The following TMEM40 variants were observed in gnomAD, a reference collection of about 807,000 sequenced individuals.
TMEM40 encodes transmembrane protein 40.
A neutral mutation model predicts 40.8 loss-of-function variants in TMEM40; 34 were observed. The ratio of observed to expected loss-of-function variants is 0.83; its 90% CI spans 0.63 to 1.11. The LOEUF is 1.11. Among genes scored for constraint, TMEM40 ranks in the 50% least tolerant of loss-of-function variants. The pLI, the probability that TMEM40 is intolerant of heterozygous loss-of-function variation, is 0.00. For missense variants in TMEM40, 296 were observed against 280.2 expected, an observed-to-expected ratio of 1.06 and a Z score of -0.40; for synonymous variants, 106 against 107.0, an observed-to-expected ratio of 0.99 and a Z score of 0.06.
chr3:12,768,960 C>T (rs2061608892), intron 1 of TMEM40, among the ~76,000 whole-genome samples: 1 of 131,408 alleles, frequency 7.6e-6, no homozygotes, highest in Non-Finnish European at 1.6e-5. Context: ...GGCGGGGGGG[C>T]GCGGCCTGGC....
intron 1 of TMEM40, among the ~76,000 whole-genome samples, chr3:12,751,181 G>A (rs942318758): frequency 6.6e-6 from 1 of 150,706 alleles, no homozygotes. Context: ...GTGAATGCGT[G>A]TTTCCTTCTC....
chr3:12,756,751 TTCTC>T (rs1224049110), intron 1 of TMEM40, among the ~76,000 whole-genome samples: 7 of 151,430 alleles, frequency 4.6e-5, no homozygotes, highest in Non-Finnish European at 1.0e-4. Flanking sequence ...TTTCCCATCT[TTCTC>T]TCTCTCTGTT....
intron 6 of TMEM40, 73 bp downstream of exon 6, chr3:12,738,480 T>A: frequency 6.5e-7 from 1 of 1,534,284 alleles, no homozygotes; most frequent in Non-Finnish European, 9.0e-7. Flanking sequence ...CTGGCTCTCT[T>A]GGGGGAGAGG....
At chr3:12,767,184 G>A (rs965730052) in intron 1 of TMEM40, among the ~76,000 whole-genome samples, 1 of 152,190 alleles carries the variant, frequency 6.6e-6, no homozygotes, top group African/African-American at 2.4e-5. Context: ...TGATTTAGTG[G>A]TAAAAGTTGG....
At chr3:12,737,678 AAGC>A in intron 8 of TMEM40, 26 bp downstream of exon 8, 1 of 1,612,780 alleles carries the variant, frequency 6.2e-7, no homozygotes, top group Non-Finnish European at 8.5e-7. Context: ...AGACAGGAAA[AAGC>A]AGCTCTGCTA....
chr3:12,750,209 A>G (rs1464414474), intron 1 of TMEM40, among the ~76,000 whole-genome samples: 1 of 151,536 alleles, frequency 6.6e-6, no homozygotes, highest in African/African-American at 2.4e-5. Context: ...TCCTGGGCTC[A>G]AGCAATTCTC....
chr3:12,742,867 C>T (rs1458822720), intron 4 of TMEM40, among the ~76,000 whole-genome samples: 3 of 152,142 alleles, frequency 2.0e-5, no homozygotes, highest in Non-Finnish European at 4.4e-5. Flanking sequence ...GGTATTAGTA[C>T]CTACCCCACC....
At chr3:12,735,852 T>C (rs1230590535) in intron 10 of TMEM40, among the ~76,000 whole-genome samples, 5 of 152,198 alleles carry the variant, frequency 3.3e-5, no homozygotes, top group Admixed American at 6.5e-5. Context: ...CTCCATTAAC[T>C]AACTTGTTTT....
chr3:12,749,913 T>C (rs1175952741), intron 1 of TMEM40, 73 bp from the exon 2 acceptor site: 7 of 1,360,068 alleles, frequency 5.1e-6, no homozygotes, highest in Middle Eastern at 2.4e-4. Context: ...GCTTGGCAAA[T>C]AAATAAGAAA....
At chr3:12,738,677 G>T in intron 5 of TMEM40, 89 bp from the exon 6 acceptor site, 4 of 1,412,226 alleles carry the variant, frequency 2.8e-6, no homozygotes, top group Non-Finnish European at 4.0e-6. Flanking sequence ...CCTGCTCGGA[G>T]ACTTCCCACT....
At chr3:12,736,959 G>C (rs948480833) in intron 8 of TMEM40, 124 bp from the exon 9 acceptor site, 1 of 1,211,724 alleles carries the variant, frequency 8.3e-7, no homozygotes, top group Non-Finnish European at 1.2e-6. Flanking sequence ...GCTCATTGCA[G>C]CCTTGAAGTC....
At chr3:12,753,178 T>TCTTTTTTGC (rs2061491479) in intron 1 of TMEM40, among the ~76,000 whole-genome samples, 1 of 151,782 alleles carries the variant, frequency 6.6e-6, no homozygotes, top group Non-Finnish European at 1.5e-5. Context: ...CACACATTTT[T>TCTTTTTTGC]CTTTTTTGCC....
intron 1 of TMEM40, among the ~76,000 whole-genome samples, chr3:12,751,279 G>A (rs889302523): frequency 6.7e-5 from 9 of 134,360 alleles, no homozygotes; most frequent in African/African-American, 1.8e-4. Flanking sequence ...TCCATTACCC[G>A]TTTTTTTTTT....
rs180944220 is a variant in TMEM40, at chr3:12,748,403, C to T, written c.211+252G>A. On this transcript the variant is annotated intron_variant, in intron 3 of 11. Transcript: ENST00000314124. ...CAGTAAACATTAAAAATAGCTACAG[C>T]GATATTACAGAACAACATGGCTAAA... Among the ~76,000 whole-genome samples the T allele has an allele frequency of 2.1e-3, 319 of 152,152 alleles. 1 individual carries two copies. The highest frequency in any genetic ancestry group is 7.0e-3 in the African/African-American group (292 of 41,510).
At chr3:12,739,665 C>T (rs1351806312) in intron 5 of TMEM40, among the ~76,000 whole-genome samples, 1 of 151,888 alleles carries the variant, frequency 6.6e-6, no homozygotes, top group Non-Finnish European at 1.5e-5. Context: ...AAGCAATCCT[C>T]CCACCTTGGC....
In TMEM40 at chr3:12,756,713, GCCT is replaced by G. The variant is rs1362185343; in HGVS notation, c.-9+2475_-9+2477del. 3.3e-5 allele frequency among the ~76,000 whole-genome samples: 5 copies of G among 152,136 alleles called. No homozygotes were observed. The East Asian group carries it at 9.6e-4, about 29-fold the overall frequency. On this transcript the variant is annotated intron_variant, in intron 1 of 11. Transcript: ENST00000314124. ...AGCCAGGCGGGTCCCTTCTCCCACA[GCCT>G]GGAATCTCAGTCTCTGTTTCTTTCT...
intron 1 of TMEM40, among the ~76,000 whole-genome samples, chr3:12,755,195 C>T: frequency 1.2e-5 from 1 of 86,496 alleles, no homozygotes; most frequent in African/African-American, 5.9e-5. Flanking sequence ...TCCTTCCTTC[C>T]TTCCTTTCTT....
chr3:12,767,099 G>A (rs1209201137), intron 1 of TMEM40, among the ~76,000 whole-genome samples: 2 of 152,184 alleles, frequency 1.3e-5, no homozygotes, highest in Admixed American at 1.3e-4. Context: ...TCTGACCCTG[G>A]AGCAGCTACT....
At chr3:12,749,345 C>A (rs2061455383) in intron 2 of TMEM40, among the ~76,000 whole-genome samples, 1 of 152,190 alleles carries the variant, frequency 6.6e-6, no homozygotes, top group South Asian at 2.1e-4. Context: ...TTCTAAGCCC[C>A]CTGCCTTGCC....
Sources: allele counts gnomAD v4.1 joint callset (sites outside exome capture counted in the v4.1 genomes callset), GRCh38; gene constraint gnomAD v4.1.1; transcripts MANE v1.5; gene names NCBI Gene and HGNC (gene_info 2026-07-23, HGNC 2026-07-21).